BICD1: variants seen among roughly 807,000 people sequenced by gnomAD.
BICD1 encodes protein bicaudal D homolog 1.
A neutral mutation model predicts 92.5 loss-of-function variants in BICD1; 35 were observed. That is an observed-to-expected ratio of 0.38 (90% CI 0.29 to 0.50). BICD1 has a LOEUF of 0.50. BICD1 is among the 20% of genes least tolerant of loss of function. BICD1 has a pLI of 0.93. For missense variants in BICD1, 950 were observed against 1,189.8 expected, an observed-to-expected ratio of 0.80 and a Z score of 2.97; for synonymous variants, 429 against 465.1, an observed-to-expected ratio of 0.92 and a Z score of 1.00.
chr12:32,304,535 A>G (rs1948158487), intron 3 of BICD1, among the ~76,000 whole-genome samples: 1 of 152,198 alleles, frequency 6.6e-6, no homozygotes, highest in South Asian at 2.1e-4. Flanking sequence ...TACTTTCTCT[A>G]AGGAGATTAC....
At chr12:32,300,943 G>T (rs768448509) in intron 3 of BICD1, among the ~76,000 whole-genome samples, 2 of 151,966 alleles carry the variant, frequency 1.3e-5, no homozygotes, top group Non-Finnish European at 2.9e-5. Flanking sequence ...GAGTCACTGC[G>T]CCCGGCCCAA....
intron 8 of BICD1, among the ~76,000 whole-genome samples, chr12:32,361,992 C>T (rs1418609728): frequency 1.8e-4 from 28 of 152,230 alleles, no homozygotes; most frequent in Non-Finnish European, 1.6e-4. Flanking sequence ...TTGTCTCCTA[C>T]ATGAGCTGTT....
intron 5 of BICD1, among the ~76,000 whole-genome samples, chr12:32,329,848 G>A (rs1042450016): frequency 2.0e-5 from 3 of 152,134 alleles, no homozygotes; most frequent in African/African-American, 7.2e-5. Context: ...CGAAATATAG[G>A]CAGGAAAATT....
intron 4 of BICD1, among the ~76,000 whole-genome samples, chr12:32,317,532 GCA>G (rs1414849048): frequency 1.0e-3 from 154 of 152,162 alleles, no homozygotes; most frequent in African/African-American, 3.5e-3. Context: ...TTCATATCCT[GCA>G]CCCACTTTTT....
At chr12:32,300,296 T>G (rs975452630) in intron 3 of BICD1, among the ~76,000 whole-genome samples, 1 of 151,462 alleles carries the variant, frequency 6.6e-6, no homozygotes, top group African/African-American at 2.4e-5. Flanking sequence ...GTAGAGACGG[T>G]GTTTCACCGT....
chr12:32,316,340 GAGTAC>G (rs1431321380), intron 4 of BICD1, among the ~76,000 whole-genome samples: 51 of 151,594 alleles, frequency 3.4e-4, no homozygotes, highest in African/African-American at 1.2e-3. Flanking sequence ...GCTCAGGCTG[GAGTAC>G]AGTGGCATGA....
Position 32,154,712 on chromosome 12 carries a change from C to T in BICD1, c.213+47168C>T, listed in dbSNP as rs568245172. ...TATCTCTACTGCTTATAACCCAATA[C>T]TTGACTATATATTGTCTTGTATAAA... On this transcript the variant is annotated intron_variant, in intron 1 of 9. Transcript: ENST00000652176. Among the ~76,000 whole-genome samples, 5 of 152,284 alleles carry T rather than the reference C, an allele frequency of 3.3e-5. No individual in the cohort carries two copies. In the South Asian group the frequency reaches 8.3e-4, roughly 25 times the overall value.
chr12:32,299,308 G>A (rs193124593), intron 3 of BICD1, among the ~76,000 whole-genome samples: 44 of 152,208 alleles, frequency 2.9e-4, no homozygotes, highest in African/African-American at 9.9e-4. Context: ...TTCTTGTTCC[G>A]TTTCTTGCTT....
At chr12:32,142,421 A>AC (rs1565543491) in intron 1 of BICD1, among the ~76,000 whole-genome samples, 1 of 69,010 alleles carries the variant, frequency 1.4e-5, no homozygotes, top group African/African-American at 6.7e-5. Context: ...AAAAAAAAAA[A>AC]AAAAAAAAAA....
intron 9 of BICD1, among the ~76,000 whole-genome samples, chr12:32,374,650 G>A (rs371939679): frequency 7.0e-6 from 1 of 141,962 alleles, no homozygotes; most frequent in Non-Finnish European, 1.5e-5. Context: ...TCACCGCAAC[G>A]TCTGCCTCCC....
intron 2 of BICD1, among the ~76,000 whole-genome samples, chr12:32,268,548 C>T (rs1483662704): frequency 1.3e-5 from 2 of 152,172 alleles, no homozygotes; most frequent in Admixed American, 6.5e-5. Flanking sequence ...GTAATCTTAG[C>T]GCTTTGGGAG....
At position 32,328,395 on chromosome 12, in the gene BICD1, T is replaced by G; in HGVS notation, c.1940T>G (p.Leu647Trp). Residue 647 changes from leucine to tryptophan, a missense_variant, in exon 5 of 10, where the codon TTG becomes TGG. Physicochemically the swap from Leu to Trp is moderately conservative, Grantham distance 61. Around this residue, in one of 5 missense-constraint regions of BICD1, gnomAD observed 309 missense variants for 499.4 expected, o/e 0.62. Coordinates refer to ENST00000652176, the MANE Select transcript of BICD1 (RefSeq NM_001714.4). This position sits in a 1 kb window ranked among gnomAD's most constrained non-coding sequence, Gnocchi z 4.4. ...KHLQKAVDRS[L>W]QLSRQRAAAR... ...CTGCAGAAAGCTGTGGACCGGTCCT[T>G]GCAACTGTCTCGTCAAAGAGCAGCG... The G allele has an allele frequency of 6.2e-7, 1 of 1,614,222 alleles. No homozygotes were observed. The highest frequency in any genetic ancestry group is 8.5e-7 in the Non-Finnish European group (1 of 1,180,038).
chr12:32,317,004 G>A (rs1436304336), intron 4 of BICD1, among the ~76,000 whole-genome samples: 1 of 152,076 alleles, frequency 6.6e-6, no homozygotes, highest in Non-Finnish European at 1.5e-5. Context: ...ATGGTTTCCA[G>A]TTTCATCCAT....
intron 2 of BICD1, among the ~76,000 whole-genome samples, chr12:32,286,096 G>A (rs1265530340): frequency 6.6e-6 from 1 of 152,082 alleles, no homozygotes; most frequent in African/African-American, 2.4e-5. Context: ...TTAGCATCAG[G>A]AGTTTTCATT....
chr12:32,172,555 C>A (rs2121515878), intron 1 of BICD1, among the ~76,000 whole-genome samples: 1 of 152,340 alleles, frequency 6.6e-6, no homozygotes, highest in East Asian at 1.9e-4. Flanking sequence ...TCTTATCAGT[C>A]ATTCCCACAG....
chr12:32,229,230 G>A (rs1235233990), intron 2 of BICD1, among the ~76,000 whole-genome samples: 1 of 152,062 alleles, frequency 6.6e-6, no homozygotes, highest in Non-Finnish European at 1.5e-5. Flanking sequence ...CAGTCTTGGC[G>A]ACAGAGCAAG....
At chr12:32,323,901 G>C (rs1263891776) in intron 4 of BICD1, among the ~76,000 whole-genome samples, 1 of 151,896 alleles carries the variant, frequency 6.6e-6, no homozygotes, top group Admixed American at 6.6e-5. Flanking sequence ...TCTTACTGTT[G>C]GTTATAAATA....
intron 1 of BICD1, among the ~76,000 whole-genome samples, chr12:32,116,029 A>G (rs1941877505): frequency 2.0e-5 from 3 of 152,208 alleles, no homozygotes; most frequent in Admixed American, 2.0e-4. Flanking sequence ...GTGGGGAGAA[A>G]AGGGTACAAA....
intron 1 of BICD1, among the ~76,000 whole-genome samples, chr12:32,116,492 T>TTC (rs1157756905): frequency 0.016 from 1,972 of 122,904 alleles, 21 homozygotes; most frequent in Non-Finnish European, 0.022. Context: ...CTCTCTCTCT[T>TTC]TCTCTCTCTC....
Sources: allele counts gnomAD v4.1 joint callset (sites outside exome capture counted in the v4.1 genomes callset), GRCh38; gene constraint gnomAD v4.1.1; regional missense constraint gnomAD v4.1.1; non-coding constraint Gnocchi (gnomAD v3.1); transcripts MANE v1.5; gene names NCBI Gene and HGNC (gene_info 2026-07-23, HGNC 2026-07-21).